PGM3: variants seen among roughly 807,000 people sequenced by gnomAD.
The protein encoded by PGM3 is phosphoacetylglucosamine mutase.
In PGM3, 40 loss-of-function variants were observed where a neutral mutation model predicts 66.2. The observed-to-expected ratio is 0.60, with a 90% confidence interval of 0.47 to 0.79. The LOEUF (loss-of-function observed/expected upper bound fraction) is 0.79. Among genes scored for constraint, PGM3 ranks in the 30% least tolerant of loss-of-function variants. The pLI, the probability that PGM3 is intolerant of heterozygous loss-of-function variation, is 0.00. For synonymous variants in PGM3, 191 were observed against 224.2 expected (o/e 0.85, Z 1.32); for missense variants, 537 against 643.4 (o/e 0.83, Z 1.79).
chr6:83,154,388 A>G, the PGM3 span: 1 of 679,554 alleles, frequency 1.5e-6, no homozygotes, highest in African/African-American at 1.8e-5. Flanking sequence ...GGGAAAGCAC[A>G]CTACTTTCTG....
intron 12 of PGM3, chr6:83,169,850 G>A (rs1281193674): frequency 6.6e-6 from 3 of 456,250 alleles, no homozygotes; most frequent in Non-Finnish European, 1.3e-5. Flanking sequence ...CCCTGTCAGG[G>A]AAACAGGCAC....
At chr6:83,170,565 C>G in intron 11 of PGM3, 87 bp from the exon 12 acceptor site, 1 of 986,934 alleles carries the variant, frequency 1.0e-6, no homozygotes, top group Non-Finnish European at 1.5e-6. Context: ...CGAAAAGTGC[C>G]AGACTAAATA....
chr6:83,191,858 G>A (rs1490967228), intron 1 of PGM3, among the ~76,000 whole-genome samples: 1 of 150,810 alleles, frequency 6.6e-6, no homozygotes, highest in Non-Finnish European at 1.5e-5. Flanking sequence ...GGGCGTGTTA[G>A]CTGGCGCCTG....
At chr6:83,161,097 T>C (rs1784133924), downstream of PGM3, 6 of 152,104 alleles carry the variant, frequency 3.9e-5, no homozygotes, top group South Asian at 6.2e-4. Flanking sequence ...TGGCCAATAT[T>C]AACCAAGACA....
At chr6:83,159,491 A>G (rs1197202930), downstream of PGM3, among the ~76,000 whole-genome samples, 1 of 150,688 alleles carries the variant, frequency 6.6e-6, no homozygotes, top group African/African-American at 2.4e-5. Context: ...GGGTTTCATC[A>G]TGTTGCCCAG....
downstream of PGM3, chr6:83,162,661 G>A (rs1046608402): frequency 6.9e-6 from 7 of 1,012,978 alleles, no homozygotes; most frequent in South Asian, 4.9e-5. Flanking sequence ...ACAAGGCTAC[G>A]AGTGGCACAT....
Position 83,168,584 on chromosome 6 carries a change from G to T in PGM3, c.*650C>A. On this transcript the variant is annotated 3_prime_UTR_variant, in exon 13 of 13. Transcript: ENST00000513973. ...CCTTCTCCATCAGAGGCTGGGAAAC[G>T]TATTATAATTAGTTTTTCTCCCACA... 2 of 997,416 alleles carry T rather than the reference G, an allele frequency of 2.0e-6. No homozygotes were observed. The highest frequency in any genetic ancestry group is 1.2e-6 in the Non-Finnish European group (1 of 837,548). The allele number at this position is 997,416 out of a possible 1,614,324, so 61.8% of individuals were successfully genotyped here. A position where few individuals can be genotyped will look rare whatever the true frequency, so the allele number is the denominator to read the frequency against.
intron 2 of PGM3, among the ~76,000 whole-genome samples, chr6:83,189,593 C>T (rs1191832423): frequency 1.3e-5 from 2 of 152,210 alleles, no homozygotes; most frequent in Admixed American, 6.5e-5. Flanking sequence ...ACCACTTTAA[C>T]TTGCTGCTGA....
downstream of PGM3, among the ~76,000 whole-genome samples, chr6:83,156,831 A>G (rs1371250103): frequency 6.6e-6 from 1 of 151,918 alleles, no homozygotes; most frequent in Non-Finnish European, 1.5e-5. Context: ...TGTCCCTACA[A>G]TTTTTTTTGT....
Position 83,187,081 on chromosome 6 carries a change from A to G in PGM3, c.390-6T>C. 6.3e-7 allele frequency: 1 copy of G among 1,583,294 alleles called. No individual in the cohort carries two copies. Among genetic ancestry groups the G allele is most frequent in the Non-Finnish European group, 8.7e-7 (1 of 1,153,220 alleles). On this transcript the variant is annotated splice_region_variant and splice_polypyrimidine_tract_variant and intron_variant, in intron 3 of 12. Coordinates refer to ENST00000513973, the MANE Select transcript of PGM3 (RefSeq NM_015599.3). ...AAAGTTTCTCACTGCTGGGCCTAGG[A>G]AAGAAAAGGAAGAAAATAATATATC...
At chr6:83,152,763 G>C in the PGM3 span, among the ~76,000 whole-genome samples, 12 of 151,728 alleles carry the variant, frequency 7.9e-5, 1 homozygote, top group Admixed American at 3.9e-4. Context: ...GACTACGGGT[G>C]TGTGCCACAA....
the PGM3 span, among the ~76,000 whole-genome samples, chr6:83,151,195 C>T: frequency 1.3e-5 from 2 of 152,150 alleles, no homozygotes; most frequent in African/African-American, 4.8e-5. Context: ...CCAGGTTTCC[C>T]AGGCCAGAGT....
chr6:83,154,935 T>C, the PGM3 span, among the ~76,000 whole-genome samples: 1 of 152,244 alleles, frequency 6.6e-6, no homozygotes, highest in African/African-American at 2.4e-5. Context: ...CTGTTTTATC[T>C]TCATAAGGTT....
chr6:83,192,373 T>C (rs1173658728), intron 1 of PGM3, among the ~76,000 whole-genome samples: 2 of 152,240 alleles, frequency 1.3e-5, no homozygotes, highest in East Asian at 3.9e-4. Flanking sequence ...GTAGTTTTCC[T>C]TCAGTAGTCC....
In PGM3 at chr6:83,169,135, A is replaced by T; in HGVS notation, c.*99T>A. The T allele has an allele frequency of 6.5e-7, 1 of 1,539,016 alleles. No individual in the cohort carries two copies. The highest frequency in any genetic ancestry group is 8.8e-7 in the Non-Finnish European group (1 of 1,142,178). ...GAGACAATCCAGTAGGCTGCATTGT[A>T]AACATTATGATTATAAATCTCTTAG... is the stretch of plus-strand genomic sequence containing the variant. On this transcript the variant is annotated 3_prime_UTR_variant, in exon 13 of 13. Transcript: ENST00000513973.
chr6:83,155,786 T>C, the PGM3 span, among the ~76,000 whole-genome samples: 2 of 152,250 alleles, frequency 1.3e-5, no homozygotes, highest in Non-Finnish European at 2.9e-5. Context: ...CTTATATACG[T>C]TGGATCTGTT....
chr6:83,192,250 G>A (rs184171326), intron 1 of PGM3, among the ~76,000 whole-genome samples: 2 of 152,368 alleles, frequency 1.3e-5, no homozygotes, highest in African/African-American at 4.8e-5. Flanking sequence ...GGGCGACAGG[G>A]TGAGACTCCG....
chr6:83,190,559 G>A, intron 2 of PGM3: 1 of 484,672 alleles, frequency 2.1e-6, no homozygotes, highest in Non-Finnish European at 3.6e-6. Context: ...AATTTGGAAG[G>A]ACATTGTTAT....
chr6:83,163,075 A>G (rs547946445), downstream of PGM3, among the ~76,000 whole-genome samples: 5 of 152,290 alleles, frequency 3.3e-5, no homozygotes, highest in East Asian at 7.7e-4. Flanking sequence ...CATAAGCCTC[A>G]TATTTCCAGA....
Sources: allele counts gnomAD v4.1 joint callset (sites outside exome capture counted in the v4.1 genomes callset), GRCh38; gene constraint gnomAD v4.1.1; transcripts MANE v1.5; gene names NCBI Gene and HGNC (gene_info 2026-07-23, HGNC 2026-07-21).